Variants in IPCEF1 observed in about 807,000 individuals in gnomAD.
IPCEF1 encodes the protein interactor protein for cytohesin exchange factors 1.
In IPCEF1, 31 loss-of-function variants were observed where a neutral mutation model predicts 50.9. The ratio of observed to expected loss-of-function variants is 0.61; its 90% CI spans 0.46 to 0.82. The LOEUF (loss-of-function observed/expected upper bound fraction) is 0.82. Among genes scored for constraint, IPCEF1 ranks in the 40% least tolerant of loss-of-function variants. The pLI, the probability that IPCEF1 is intolerant of heterozygous loss-of-function variation, is 0.00. For synonymous variants in IPCEF1, 181 were observed against 192.0 expected, an observed-to-expected ratio of 0.94 and a Z score of 0.47; for missense variants, 458 against 514.0, an observed-to-expected ratio of 0.89 and a Z score of 1.05.
In IPCEF1 at chr6:154,168,417, C is replaced by T. The variant is rs1207144068; in HGVS notation, c.911-304G>A. Among the ~76,000 whole-genome samples the T allele has an allele frequency of 3.3e-5, 5 of 152,046 alleles. No individual in the cohort carries two copies. The highest frequency in any genetic ancestry group is 4.8e-5 in the African/African-American group (2 of 41,390). On this transcript the variant is annotated intron_variant, in intron 10 of 11. Coordinates refer to ENST00000367220, the MANE Select transcript of IPCEF1 (RefSeq NM_001130700.2). This position sits in a 1 kb window ranked among gnomAD's most constrained non-coding sequence, Gnocchi z 4.1. ...CAATATTCACATGGGGTGTTCCCTG[C>T]ATGCATGTCTCTGTGTCCAAACTCC...
intron 7 of IPCEF1, among the ~76,000 whole-genome samples, chr6:154,215,436 A>G (rs1173015186): frequency 6.6e-6 from 1 of 151,942 alleles, no homozygotes; most frequent in Non-Finnish European, 1.5e-5. Context: ...AAACCCCGTC[A>G]CTACTTAAAA....
intron 1 of IPCEF1, among the ~76,000 whole-genome samples, chr6:154,341,328 T>C (rs1355917385): frequency 1.3e-5 from 2 of 152,064 alleles, no homozygotes; most frequent in Non-Finnish European, 2.9e-5. Context: ...TAAGAGTCCA[T>C]AGTTAAAAGA....
At chr6:154,304,528 A>G (rs886556640) in intron 1 of IPCEF1, among the ~76,000 whole-genome samples, 7 of 152,232 alleles carry the variant, frequency 4.6e-5, no homozygotes, top group African/African-American at 1.7e-4. Context: ...AACATTGAAT[A>G]AATGAATAAA....
intron 2 of IPCEF1, among the ~76,000 whole-genome samples, chr6:154,271,197 A>G (rs1376567074): frequency 7.2e-6 from 1 of 139,024 alleles, no homozygotes. Context: ...CATCTCTACA[A>G]AAAAAAAATA....
intron 2 of IPCEF1, among the ~76,000 whole-genome samples, chr6:154,280,426 T>A (rs906115107): frequency 6.7e-6 from 1 of 149,996 alleles, no homozygotes; most frequent in Admixed American, 6.6e-5. Flanking sequence ...ATTTAAAAAA[T>A]TGTTAAAAAA....
intron 2 of IPCEF1, among the ~76,000 whole-genome samples, chr6:154,273,712 C>T (rs149898245): frequency 0.18 from 1,153 of 6,530 alleles, 208 homozygotes; most frequent in East Asian, 0.59. Context: ...TTTTTTCTTT[C>T]TTTCTTTCTT....
intron 1 of IPCEF1, among the ~76,000 whole-genome samples, chr6:154,331,405 A>AAGAAAGAAAGAAAGAAAGAGAGAG (rs60403800): frequency 0.01 from 952 of 92,914 alleles, 11 homozygotes; most frequent in Middle Eastern, 0.015. Context: ...GAAAGAAAGA[A>AAGAAAGAAAGAAAGAAAGAGAGAG]AGAGAGAGAA....
At chr6:154,275,981 A>C (rs1782046196) in intron 2 of IPCEF1, among the ~76,000 whole-genome samples, 1 of 152,078 alleles carries the variant, frequency 6.6e-6, no homozygotes, top group South Asian at 2.1e-4. Flanking sequence ...GGAGTTCGAA[A>C]CCAGCCTGAC....
In IPCEF1 at chr6:154,339,577, T is replaced by C. The variant is rs1481415542; in HGVS notation, c.-62+17095A>G. On this transcript the variant is annotated intron_variant, in intron 1 of 11. Coordinates refer to ENST00000367220, the MANE Select transcript of IPCEF1 (RefSeq NM_001130700.2). ...CATGAGCCATTATGCCTGGCGTTTT[T>C]TGTTTGTTTGTTTGTTTGTTTGTTT... Among the ~76,000 whole-genome samples, 22 of 135,760 alleles carry C rather than the reference T, an allele frequency of 1.6e-4. 1 individual carries two copies. The highest frequency in any genetic ancestry group is 1.6e-3 in the Admixed American group (22 of 13,934). The allele number at this position is 135,760 out of a possible 152,430, so 89.1% of individuals were successfully genotyped here. A position where few individuals can be genotyped will look rare whatever the true frequency, so the allele number is the denominator to read the frequency against.
intron 10 of IPCEF1, among the ~76,000 whole-genome samples, chr6:154,188,770 T>C (rs1470508946): frequency 1.3e-5 from 2 of 152,144 alleles, no homozygotes. Flanking sequence ...GGGAGAAAAA[T>C]GGCGTGTACA....
intron 2 of IPCEF1, among the ~76,000 whole-genome samples, chr6:154,276,478 C>T (rs1204961348): frequency 6.6e-6 from 1 of 152,124 alleles, no homozygotes; most frequent in African/African-American, 2.4e-5. Context: ...CTCTTGGAGG[C>T]TCTTATAATG....
intron 5 of IPCEF1, among the ~76,000 whole-genome samples, chr6:154,244,252 T>C (rs572596138): frequency 6.6e-6 from 1 of 152,058 alleles, no homozygotes; most frequent in East Asian, 1.9e-4. Flanking sequence ...GAGTAGCCTT[T>C]TTTCCCTCAC....
chr6:154,244,301 GGTGT>G (rs10674508), intron 5 of IPCEF1, among the ~76,000 whole-genome samples: 1,622 of 148,052 alleles, frequency 0.011, 19 homozygotes, highest in Middle Eastern at 0.021. Context: ...TGTGTGGGTG[GGTGT>G]GTGTGTGTGT....
At chr6:154,313,780 G>A (rs1237485657) in intron 1 of IPCEF1, among the ~76,000 whole-genome samples, 1 of 151,972 alleles carries the variant, frequency 6.6e-6, no homozygotes, top group Non-Finnish European at 1.5e-5. Flanking sequence ...GTCTCGCTCT[G>A]TCACCCAGGC....
chr6:154,167,969 G>A lies in IPCEF1; in HGVS notation c.1055C>T (p.Ser352Phe), dbSNP rs768383479. The A allele has an allele frequency of 6.2e-6, 10 of 1,607,094 alleles. No homozygotes were observed. The highest frequency in any genetic ancestry group is 8.5e-6 in the Non-Finnish European group (10 of 1,174,638). Residue 352 changes from serine to phenylalanine, a missense_variant, in exon 11 of 12, where the codon TCT becomes TTT. Coordinates refer to ENST00000367220, the MANE Select transcript of IPCEF1 (RefSeq NM_001130700.2). Reference sequence around the variant, plus strand: ...GATTTTGTGGAGTTTCTCGTTTATAGATGGATTTTTACACCGCTTAACAAA... The same window carrying A: ...GATTTTGTGGAGTTTCTCGTTTATAAATGGATTTTTACACCGCTTAACAAA... ...KSFVKRCKNP[S>F]INEKLHKIRT...
intron 5 of IPCEF1, among the ~76,000 whole-genome samples, chr6:154,230,419 A>T (rs1032399628): frequency 1.3e-5 from 2 of 152,264 alleles, no homozygotes; most frequent in Admixed American, 1.3e-4. Context: ...TAACTAAAAC[A>T]GGACATCAGA....
chr6:154,327,658 G>T (rs1416380548), intron 1 of IPCEF1, among the ~76,000 whole-genome samples: 1 of 152,232 alleles, frequency 6.6e-6, no homozygotes, highest in Non-Finnish European at 1.5e-5. Flanking sequence ...GGAAAACAGT[G>T]TAGCAATGCC....
chr6:154,316,338 C>T (rs1363528570), intron 1 of IPCEF1, among the ~76,000 whole-genome samples: 2 of 152,156 alleles, frequency 1.3e-5, no homozygotes, highest in Non-Finnish European at 2.9e-5. Context: ...ATTAAGGTGA[C>T]TCACTTTATT....
At chr6:154,195,147 C>CTTTTTTTTTTTT (rs10719288) in intron 10 of IPCEF1, among the ~76,000 whole-genome samples, 1 of 122,898 alleles carries the variant, frequency 8.1e-6, no homozygotes, top group Non-Finnish European at 1.7e-5. Flanking sequence ...TCTTTTCTTT[C>CTTTTTTTTTTTT]TTTTTTTTTT....
Sources: allele counts gnomAD v4.1 joint callset (sites outside exome capture counted in the v4.1 genomes callset), GRCh38; gene constraint gnomAD v4.1.1; non-coding constraint Gnocchi (gnomAD v3.1); transcripts MANE v1.5; gene names NCBI Gene and HGNC (gene_info 2026-07-23, HGNC 2026-07-21).